Variants in DENND1A observed in about 807,000 individuals in gnomAD.
DENND1A encodes the protein DENN domain containing 1A, also known as DENN domain-containing protein 1A.
A neutral mutation model predicts 113.7 loss-of-function variants in DENND1A; 51 were observed. The observed-to-expected ratio is 0.45, with a 90% CI of 0.36 to 0.57. The LOEUF (loss-of-function observed/expected upper bound fraction) is 0.57. Ranked by LOEUF, DENND1A falls within the 20% of genes least tolerant of loss-of-function variation. The pLI, the probability that DENND1A is intolerant of heterozygous loss-of-function variation, is 0.00. For synonymous variants in DENND1A, 565 were observed against 570.8 expected (o/e 0.99, Z 0.14); for missense variants, 1,258 against 1,395.9 (o/e 0.90, Z 1.57).
chr9:123,446,195 C>T (rs1475209928), intron 18 of DENND1A, among the ~76,000 whole-genome samples: 1 of 152,212 alleles, frequency 6.6e-6, no homozygotes, highest in Admixed American at 6.5e-5. Context: ...TGTGAGAACT[C>T]CCGTCTCCAT....
intron 20 of DENND1A, among the ~76,000 whole-genome samples, chr9:123,406,398 C>T (rs1278697882): frequency 6.6e-6 from 1 of 152,234 alleles, no homozygotes; most frequent in Non-Finnish European, 1.5e-5. Context: ...CATCCTGCTC[C>T]TCTGTGACCT....
At chr9:123,823,763 C>A (rs568160875) in intron 2 of DENND1A, among the ~76,000 whole-genome samples, 14 of 151,990 alleles carry the variant, frequency 9.2e-5, no homozygotes, top group Non-Finnish European at 1.9e-4. Flanking sequence ...AGGAAGTCAG[C>A]CGGCTTGAGA....
At chr9:123,752,849 T>TTTATGATGGAGAC (rs2070180225) in intron 5 of DENND1A, among the ~76,000 whole-genome samples, 1 of 152,232 alleles carries the variant, frequency 6.6e-6, no homozygotes, top group African/African-American at 2.4e-5. Flanking sequence ...CATCCCTGTG[T>TTTATGATGGAGAC]TTATGATGGA....
chr9:123,801,733 C>G (rs1351793652), intron 2 of DENND1A, among the ~76,000 whole-genome samples: 3 of 152,188 alleles, frequency 2.0e-5, no homozygotes, highest in Non-Finnish European at 2.9e-5. Flanking sequence ...TGTAGTAAAG[C>G]TATCCTAACA....
At chr9:123,546,421 A>T (rs527825216) in intron 13 of DENND1A, among the ~76,000 whole-genome samples, 1 of 151,832 alleles carries the variant, frequency 6.6e-6, no homozygotes. Context: ...GCGTGGTGGT[A>T]GGCGCCTGTA....
chr9:123,449,152 T>G lies in DENND1A; in HGVS notation c.1356+1541A>C, dbSNP rs75732855. On this transcript the variant is annotated intron_variant, in intron 18 of 23. Transcript: ENST00000394215. ...CACCTCTGAACTGTGGTCTGTTTACTCATGAAATGGGAACAATACTCCACA... is the reference window on the plus strand; with the variant it reads ...CACCTCTGAACTGTGGTCTGTTTACGCATGAAATGGGAACAATACTCCACA... Among the ~76,000 whole-genome samples, 899 of 152,320 alleles carry G rather than the reference T, an allele frequency of 5.9e-3. 3 individuals carry two copies. Among genetic ancestry groups the G allele is most frequent in the Non-Finnish European group, 9.4e-3 (637 of 68,034 alleles).
rs78532074 is a variant in DENND1A at position 123,443,686 on chromosome 9, G to A, written c.1357-3195C>T. ...GAAGAAATAAGAGGCTGGGTGTGGA[G>A]GCTCACGCCGGTAATCCCAGCACTT... On this transcript the variant is annotated intron_variant, in intron 18 of 23. Transcript: ENST00000394215. Among the ~76,000 whole-genome samples the A allele has an allele frequency of 5.0e-3, 767 of 152,378 alleles. 3 individuals are homozygous for A. The highest frequency in any genetic ancestry group is 8.7e-3 in the Admixed American group (133 of 15,306).
At chr9:123,469,931 C>G (rs542814021) in intron 13 of DENND1A, among the ~76,000 whole-genome samples, 59 of 152,252 alleles carry the variant, frequency 3.9e-4, no homozygotes, top group African/African-American at 1.4e-3. Flanking sequence ...GGGGCTCATG[C>G]AGCACAATAT....
chr9:123,475,068 G>A (rs978879919), intron 13 of DENND1A, among the ~76,000 whole-genome samples: 1 of 152,084 alleles, frequency 6.6e-6, no homozygotes, highest in African/African-American at 2.4e-5. Context: ...TGCCCAGGTG[G>A]AGTGCAGTGG....
At chr9:123,411,537 T>C (rs1293461484) in intron 20 of DENND1A, 1 of 153,534 alleles carries the variant, frequency 6.5e-6, no homozygotes, top group African/African-American at 2.4e-5. Context: ...CAGCACACAG[T>C]GGCCCCCTTG....
chr9:123,791,907 A>G (rs115405142), intron 3 of DENND1A, among the ~76,000 whole-genome samples: 110 of 152,348 alleles, frequency 7.2e-4, no homozygotes, highest in African/African-American at 2.5e-3. Context: ...AACATCTTCA[A>G]TATCTCTCAA....
At chr9:123,666,136 C>T (rs1308919196) in intron 8 of DENND1A, among the ~76,000 whole-genome samples, 1 of 152,010 alleles carries the variant, frequency 6.6e-6, no homozygotes, top group African/African-American at 2.4e-5. Context: ...ATTGACTGTA[C>T]AAAATATGAA....
chr9:123,440,306 A>G, intron 19 of DENND1A, 54 bp downstream of exon 19: 1 of 1,552,682 alleles, frequency 6.4e-7, no homozygotes, highest in Admixed American at 2.1e-5. Context: ...CTGCTGCTAA[A>G]AACAAAAATA....
chr9:123,916,964 C>T lies in DENND1A; in HGVS notation c.17+12925G>A, dbSNP rs1230750920. Among the ~76,000 whole-genome samples the T allele has an allele frequency of 2.6e-5, 4 of 151,884 alleles. No homozygotes were observed. In the East Asian group the frequency reaches 7.7e-4, roughly 29 times the overall value. ...CAGCACTTTGGGAGGCCAAAGTGGG[C>T]AGATCACTTGAGGTCAGGAGACCAG... On this transcript the variant is annotated intron_variant, in intron 1 of 23. Transcript: ENST00000394215.
At chr9:123,732,882 T>C (rs80176232) in intron 5 of DENND1A, among the ~76,000 whole-genome samples, 12,516 of 152,256 alleles carry the variant, frequency 0.082, 608 homozygotes, top group Middle Eastern at 0.12. Flanking sequence ...ATGGGGGCCA[T>C]AGTGCTTTCT....
At chr9:123,519,838 A>G (rs1408070459) in intron 13 of DENND1A, among the ~76,000 whole-genome samples, 1 of 152,044 alleles carries the variant, frequency 6.6e-6, no homozygotes, top group Admixed American at 6.5e-5. Context: ...TCACCAGGAG[A>G]GCATCTGGGA....
intron 12 of DENND1A, among the ~76,000 whole-genome samples, chr9:123,568,127 A>G (rs900080552): frequency 2.0e-5 from 3 of 152,204 alleles, no homozygotes; most frequent in African/African-American, 7.2e-5. Flanking sequence ...TAATAAATCA[A>G]TGTCTTGATT....
intron 13 of DENND1A, among the ~76,000 whole-genome samples, chr9:123,527,898 T>A (rs2054978736): frequency 6.6e-6 from 1 of 152,252 alleles, no homozygotes; most frequent in Non-Finnish European, 1.5e-5. Context: ...TGCGACTGAT[T>A]GTTTAATGTC....
intron 4 of DENND1A, among the ~76,000 whole-genome samples, chr9:123,758,448 C>T (rs2131425123): frequency 6.6e-6 from 1 of 152,302 alleles, no homozygotes; most frequent in South Asian, 2.1e-4. Context: ...GACCAGAATA[C>T]ATCCTTAGTA....
Sources: gnomAD v4.1 joint callset for allele counts (sites outside exome capture counted in the v4.1 genomes callset) on GRCh38, gnomAD v4.1.1 for gene constraint, MANE v1.5 for transcripts, NCBI Gene and HGNC (gene_info 2026-07-23, HGNC 2026-07-21) for gene names.